AKAP1: variants seen among roughly 807,000 people sequenced by gnomAD.
AKAP1 encodes A-kinase anchoring protein 1.
A neutral mutation model predicts 79.8 loss-of-function variants in AKAP1; 32 were observed. The ratio of observed to expected loss-of-function variants is 0.40; its 90% CI spans 0.30 to 0.54. The LOEUF is 0.54. Among genes scored for constraint, AKAP1 ranks in the 20% least tolerant of loss-of-function variants. The pLI is 0.47. For missense variants in AKAP1, 961 were observed against 1,138.9 expected (o/e 0.84, Z 2.25); for synonymous variants, 416 against 466.7 (o/e 0.89, Z 1.40).
chr17:57,117,233 C>T (rs115585946), intron 8 of AKAP1, among the ~76,000 whole-genome samples: 268 of 152,278 alleles, frequency 1.8e-3, no homozygotes, highest in African/African-American at 5.8e-3. Context: ...GTCTTAGCCC[C>T]GGTGGTTGAG....
chr17:57,106,086 G>A lies in AKAP1; in HGVS notation c.622G>A (p.Ala208Thr), dbSNP rs1269830276. The change falls in exon 2 of 11, where the codon GCC (alanine) becomes ACC (threonine). Residue 208 changes from alanine (A) to threonine (T), a missense_variant. By Grantham distance (58) the Ala-to-Thr change is moderately conservative. Around this residue, in one of 3 missense-constraint regions of AKAP1, gnomAD observed 224 missense variants for 210.2 expected, o/e 1.07. Coordinates refer to ENST00000337714, the MANE Select transcript of AKAP1 (RefSeq NM_003488.4). Reference sequence around the variant, plus strand: ...AGGTGGGGCCGAAGGGACTGGTGATGCCGTGTTGGGGGAAAAGGTGCTTGA... The same window carrying A: ...AGGTGGGGCCGAAGGGACTGGTGATACCGTGTTGGGGGAAAAGGTGCTTGA... ...ETGGAEGTGD[A>T]VLGEKVLEEA... is the part of the protein sequence containing the mutation. The A allele has an allele frequency of 6.8e-6, 11 of 1,606,708 alleles. No individual in the cohort carries two copies. Among genetic ancestry groups the A allele is most frequent in the Non-Finnish European group, 9.4e-6 (11 of 1,175,860 alleles).
Position 57,120,863 on chromosome 17 carries a change from A to G in AKAP1, c.*539A>G, listed in dbSNP as rs1445931927. The G allele has an allele frequency of 6.5e-6, 1 of 152,788 alleles. No homozygotes were observed. Among genetic ancestry groups the G allele is most frequent in the Non-Finnish European group, 1.5e-5 (1 of 68,140 alleles). The allele number at this position is 152,788 out of a possible 1,614,324, so 9.5% of individuals were successfully genotyped here. On this transcript the variant is annotated 3_prime_UTR_variant, in exon 11 of 11. Transcript: ENST00000337714. ...ACTTCATTTAGGTCTCTAAACACAG[A>G]CTTTTTAAATTGCAACTGTAAATAT... is the stretch of plus-strand genomic sequence containing the variant.
chr17:57,113,737 G>A (rs1915405655), intron 5 of AKAP1, among the ~76,000 whole-genome samples: 1 of 151,568 alleles, frequency 6.6e-6, no homozygotes, highest in African/African-American at 2.4e-5. Flanking sequence ...TGAGTAGCTG[G>A]GATTACAGGT....
In AKAP1 at chr17:57,121,121, C is replaced by T. The variant is rs1344890559; in HGVS notation, c.*797C>T. On this transcript the variant is annotated 3_prime_UTR_variant, in exon 11 of 11. Coordinates refer to ENST00000337714, the MANE Select transcript of AKAP1 (RefSeq NM_003488.4). ...CTGCAGTGCAGCTTCTGCTCTTGGC[C>T]CCTCTGGCCAGGGCCCCTGTGGCTT... The T allele has an allele frequency of 6.6e-6, 1 of 152,380 alleles. No individual in the cohort carries two copies. Among genetic ancestry groups the T allele is most frequent in the Non-Finnish European group, 1.5e-5 (1 of 68,048 alleles). 9.4% of individuals were successfully genotyped at this position (152,380 alleles called of 1,614,324 possible).
intron 3 of AKAP1, 53 bp downstream of exon 3, chr17:57,110,211 G>A: frequency 1.9e-6 from 3 of 1,602,352 alleles, no homozygotes; most frequent in Non-Finnish European, 2.6e-6. Flanking sequence ...AGCTCCCTGG[G>A]GCCAGGGCCA....
chr17:57,107,025 A>C lies in AKAP1; in HGVS notation c.1561A>C (p.Thr521Pro). ...CACTTCAGGGCTTGAAGACTCTTGCACAGAGACCAGCTCGAGCCCCAGGGA... is the reference window on the plus strand; with the variant it reads ...CACTTCAGGGCTTGAAGACTCTTGCCCAGAGACCAGCTCGAGCCCCAGGGA... ...FSTSGLEDSC[T>P]ETSSSPRDKA... The change falls in exon 2 of 11, where the codon ACA becomes CCA. Residue 521 changes from threonine (T) to proline (P), a missense_variant. Coordinates refer to ENST00000337714, the MANE Select transcript of AKAP1 (RefSeq NM_003488.4). 1.9e-6 allele frequency: 3 copies of C among 1,614,146 alleles called. No individual in the cohort carries two copies. The South Asian group carries it at 3.3e-5, about 18-fold the overall frequency.
In AKAP1 at chr17:57,106,569, G is replaced by A. The variant is rs775461734; in HGVS notation, c.1105G>A (p.Gly369Ser). 1 of 1,614,114 alleles carries A rather than the reference G, an allele frequency of 6.2e-7. No homozygotes were observed. Among genetic ancestry groups the A allele is most frequent in the Non-Finnish European group, 8.5e-7 (1 of 1,180,052 alleles). The change falls in exon 2 of 11, where the codon GGC becomes AGC. Residue 369 changes from glycine to serine, a missense_variant. Around this residue, in one of 3 missense-constraint regions of AKAP1, gnomAD observed 629 missense variants for 781.1 expected, o/e 0.81. Coordinates refer to ENST00000337714, the MANE Select transcript of AKAP1 (RefSeq NM_003488.4). ...ATEQVLATTV[G>S]KVAGRVCQAS... ...CGAACAGGTGCTGGCCACCACGGTT[G>A]GCAAGGTTGCAGGTCGTGTGTGTCA...
At chr17:57,114,295 T>C (rs2144765147) in intron 5 of AKAP1, among the ~76,000 whole-genome samples, 164 bp from the exon 6 acceptor site, 1 of 152,324 alleles carries the variant, frequency 6.6e-6, no homozygotes, top group Admixed American at 6.5e-5. Flanking sequence ...CACTTTCTGT[T>C]GTTAAAGTAG....
chr17:57,114,346 T>C, intron 5 of AKAP1, 113 bp from the exon 6 acceptor site: 1 of 1,311,188 alleles, frequency 7.6e-7, no homozygotes, highest in Non-Finnish European at 1.1e-6. Flanking sequence ...TTGTCTTGAG[T>C]TGCCCTTTTC....
In AKAP1 at chr17:57,120,009, A is replaced by G. The variant is rs148956470; in HGVS notation, c.2638-241A>G. ...CCTGGCTAATTTTTGTATGTTTAAT[A>G]GAGACGGGGTTTCACCATGTTGGCC... On this transcript the variant is annotated intron_variant, in intron 10 of 10. Transcript: ENST00000337714. 8.2e-3 allele frequency among the ~76,000 whole-genome samples: 1,250 copies of G among 151,798 alleles called. 4 individuals are homozygous for G. The highest frequency in any genetic ancestry group is 0.024 in the South Asian group (113 of 4,792).
chr17:57,093,402 A>G (rs1413436410), intron 1 of AKAP1: 1 of 152,004 alleles, frequency 6.6e-6, no homozygotes, highest in African/African-American at 2.4e-5. Context: ...ACTGGCCCTG[A>G]GAGGTCCAGC....
intron 2 of AKAP1, 32 bp from the exon 3 acceptor site, chr17:57,109,993 T>G (rs749417805): frequency 1.8e-5 from 29 of 1,611,476 alleles, no homozygotes; most frequent in Non-Finnish European, 2.5e-5. Flanking sequence ...GGGGTCTGTG[T>G]GTGTGCGTGC....
Position 57,112,618 on chromosome 17 carries a change from G to A in AKAP1, c.2103G>A (p.Trp701Ter), listed in dbSNP as rs1212445191. 3 of 1,608,512 alleles carry A rather than the reference G, an allele frequency of 1.9e-6. No individual in the cohort carries two copies. The highest frequency in any genetic ancestry group is 2.5e-6 in the Non-Finnish European group (3 of 1,177,632). The change falls in exon 5 of 11, where the codon TGG (tryptophan) becomes TGA (stop). Residue 701 changes from tryptophan (W) to a stop codon, truncating the protein, a stop_gained and splice_region_variant. Transcript: ENST00000337714. LOFTEE classifies it high-confidence loss of function. ...TGCCTTCTCTGCCGATGACATCCTGGGTGAGCGTGCTACTGGGTGATCCGG... is the reference window on the plus strand; with the variant it reads ...TGCCTTCTCTGCCGATGACATCCTGAGTGAGCGTGCTACTGGGTGATCCGG... ...LALPSLPMTSWLMLPDGITVE... is the reference protein window; with the variant it reads ...LALPSLPMTS
In AKAP1 at chr17:57,086,402, G is replaced by T. The variant is rs1255557798; in HGVS notation, c.-25+1004G>T. ...GGATAGGAGAAGAAAGGTGCTGATC[G>T]TGGTAGGCGGTGCTGTGGCGACTCG... On this transcript the variant is annotated intron_variant, in intron 1 of 10. Coordinates refer to ENST00000337714, the MANE Select transcript of AKAP1 (RefSeq NM_003488.4). The surrounding 1 kb of genome is among the most constrained non-coding windows in gnomAD (Gnocchi z 5.1). 2.2e-6 allele frequency: 1 copy of T among 456,220 alleles called. No individual in the cohort carries two copies. Among genetic ancestry groups the T allele is most frequent in the Middle Eastern group, 3.4e-4 (1 of 2,952 alleles). 28.3% of individuals were successfully genotyped at this position (456,220 alleles called of 1,614,324 possible). A position where few individuals can be genotyped will look rare whatever the true frequency, so the allele number is the denominator to read the frequency against.
rs1480104895 is a variant in AKAP1 at position 57,107,022 on chromosome 17, T to G, written c.1558T>G (p.Cys520Gly). The G allele has an allele frequency of 6.8e-6, 11 of 1,614,136 alleles. No individual in the cohort carries two copies. The East Asian group carries it at 2.2e-4, about 33-fold the overall frequency. The change falls in exon 2 of 11, where the codon TGC (cysteine) becomes GGC (glycine). Residue 520 changes from cysteine (C) to glycine (G), a missense_variant. By Grantham distance (159) the Cys-to-Gly change is radical. This residue lies in a region of AKAP1 where 629 missense variants were observed against 781.1 expected (regional missense o/e 0.81). Transcript: ENST00000337714. ...CAGCACTTCAGGGCTTGAAGACTCTTGCACAGAGACCAGCTCGAGCCCCAG... is the reference window on the plus strand; with the variant it reads ...CAGCACTTCAGGGCTTGAAGACTCTGGCACAGAGACCAGCTCGAGCCCCAG... ...SFSTSGLEDSCTETSSSPRDK... is the reference protein window; with the variant it reads ...SFSTSGLEDSGTETSSSPRDK...
chr17:57,120,263 A>T lies in AKAP1; in HGVS notation c.2651A>T (p.Asn884Ile). The T allele has an allele frequency of 6.2e-7, 1 of 1,613,474 alleles. No homozygotes were observed. Among genetic ancestry groups the T allele is most frequent in the Non-Finnish European group, 8.5e-7 (1 of 1,179,744 alleles). ...TTTCTTTTCTAGGTGGTGTTGATAAACCGGTCCCTGGTGGAGCGAGGCCTT... is the reference window on the plus strand; with the variant it reads ...TTTCTTTTCTAGGTGGTGTTGATAATCCGGTCCCTGGTGGAGCGAGGCCTT... ...SVVGDEVVLI[N>I]RSLVERGLAQ... The change falls in exon 11 of 11, where the codon AAC becomes ATC. Residue 884 changes from asparagine to isoleucine, a missense_variant. Physicochemically the swap from Asn to Ile is moderately radical, Grantham distance 149 (BLOSUM62 -3). This residue lies in a region of AKAP1 where 629 missense variants were observed against 781.1 expected (regional missense o/e 0.81). Transcript: ENST00000337714.
intron 1 of AKAP1, among the ~76,000 whole-genome samples, chr17:57,087,856 TTGTAGCCAATG>T (rs1301315143): frequency 1.3e-5 from 2 of 152,344 alleles, no homozygotes; most frequent in African/African-American, 4.8e-5. Flanking sequence ...AGCAGGCAGC[TTGTAGCCAATG>T]TACCCAGAGA....
chr17:57,087,373 T>A (rs1277813782), intron 1 of AKAP1, among the ~76,000 whole-genome samples: 17 of 152,088 alleles, frequency 1.1e-4, no homozygotes, highest in Admixed American at 1.1e-3. Context: ...AGGTGTCTGT[T>A]GTAAGTGGCC....
chr17:57,117,057 C>A, intron 8 of AKAP1, 130 bp downstream of exon 8: 1 of 943,132 alleles, frequency 1.1e-6, no homozygotes, highest in Non-Finnish European at 1.7e-6. Flanking sequence ...GAGTTTCTGA[C>A]TGAATAGGTC....
Sources: gnomAD v4.1 joint callset for allele counts (sites outside exome capture counted in the v4.1 genomes callset) on GRCh38, gnomAD v4.1.1 for gene constraint, gnomAD v4.1.1 regional missense constraint, Gnocchi (gnomAD v3.1) non-coding constraint, MANE v1.5 for transcripts, NCBI Gene and HGNC (gene_info 2026-07-23, HGNC 2026-07-21) for gene names.